CECR2: variants seen among roughly 807,000 people sequenced by gnomAD.
CECR2 encodes CECR2 histone acetyl-lysine reader, also known as chromatin remodeling regulator CECR2.
CECR2 carries 30 observed loss-of-function variants against 154.5 expected under a neutral mutation model. The ratio of observed to expected loss-of-function variants is 0.19; its 90% CI spans 0.15 to 0.26. The LOEUF is 0.26. CECR2 is among the 10% of genes least tolerant of loss of function. The probability of loss-of-function intolerance (pLI) is 1.00; values close to 1 mark genes in which losing one functional copy is unlikely to be tolerated. For missense variants in CECR2, 1,743 were observed against 1,829.3 expected, an observed-to-expected ratio of 0.95 and a Z score of 0.86; for synonymous variants, 725 against 683.7, an observed-to-expected ratio of 1.06 and a Z score of -0.94.
chr22:17,537,822 C>T lies in CECR2; in HGVS notation c.1238+590C>T, dbSNP rs150671846. On this transcript the variant is annotated intron_variant, in intron 10 of 18. Coordinates refer to ENST00000262608, the MANE Select transcript of CECR2 (RefSeq NM_001290047.2). The stretch of plus-strand genomic sequence containing the variant: ...AGCCTGGCCAATATGGTGAAACCCC[C>T]GTCTCTAATAAAAATTTTAAAAAAA... Among the ~76,000 whole-genome samples the T allele has an allele frequency of 9.2e-3, 1,406 of 152,056 alleles. 18 individuals carry two copies. The highest frequency in any genetic ancestry group is 0.028 in the African/African-American group (1,151 of 41,470).
intron 4 of CECR2, among the ~76,000 whole-genome samples, chr22:17,499,895 C>T (rs972475881): frequency 6.6e-6 from 1 of 152,138 alleles, no homozygotes; most frequent in Non-Finnish European, 1.5e-5. Flanking sequence ...TCCTTGAGAT[C>T]TCCTTATTTC....
At chr22:17,535,408 A>G (rs1212998464) in intron 9 of CECR2, among the ~76,000 whole-genome samples, 1 of 152,086 alleles carries the variant, frequency 6.6e-6, no homozygotes, top group Admixed American at 6.6e-5. Context: ...TTTTACTCCT[A>G]TCTGGTCATT....
At chr22:17,388,102 G>A (rs375465715) in intron 1 of CECR2, among the ~76,000 whole-genome samples, 1 of 151,828 alleles carries the variant, frequency 6.6e-6, no homozygotes, top group African/African-American at 2.4e-5. Context: ...CTACAGGCAC[G>A]CTCCACCATG....
chr22:17,540,939 T>C, intron 14 of CECR2, 139 bp downstream of exon 14: 1 of 981,576 alleles, frequency 1.0e-6, no homozygotes, highest in Non-Finnish European at 1.4e-6. Flanking sequence ...CCTTTGTTCA[T>C]GTGATTTTAT....
In CECR2 at chr22:17,498,316, G is replaced by A. The variant is rs1260956008; in HGVS notation, c.405+730G>A. On this transcript the variant is annotated intron_variant, in intron 3 of 18. Transcript: ENST00000262608. ...TGAGGCAGGAGAATGGCATGAACCC[G>A]GGAGGCGGAGCTTGCAGTGAGCCGA... Among the ~76,000 whole-genome samples, 7 of 152,196 alleles carry A rather than the reference G, an allele frequency of 4.6e-5. No individual in the cohort carries two copies. The East Asian group carries it at 9.7e-4, about 21-fold the overall frequency.
At chr22:17,548,063 A>G in intron 16 of CECR2, 85 bp from the exon 17 acceptor site, 2 of 1,275,412 alleles carry the variant, frequency 1.6e-6, no homozygotes, top group Non-Finnish European at 2.1e-6. Context: ...ATCCACCTTA[A>G]TCTGACTCAG....
At chr22:17,435,610 A>T (rs2054491630) in intron 1 of CECR2, among the ~76,000 whole-genome samples, 1 of 150,248 alleles carries the variant, frequency 6.7e-6, no homozygotes, top group African/African-American at 2.4e-5. Context: ...TGTTTGGTCC[A>T]GTGAAAATTC....
chr22:17,448,401 T>C (rs1439959129), intron 1 of CECR2, among the ~76,000 whole-genome samples: 2 of 152,244 alleles, frequency 1.3e-5, no homozygotes, highest in Non-Finnish European at 2.9e-5. Context: ...TCGTATATGA[T>C]GCATGGAAAG....
Position 17,550,320 on chromosome 22 carries a change from G to A in CECR2, c.4277+756G>A, listed in dbSNP as rs574213412. On this transcript the variant is annotated intron_variant, in intron 17 of 18. Transcript: ENST00000262608. ...CCGCCACCACACCTGGCTGAGTTTTGTATGATACTATAAACTTAATAACCA... is the reference window on the plus strand; with the variant it reads ...CCGCCACCACACCTGGCTGAGTTTTATATGATACTATAAACTTAATAACCA... 36 of 183,284 alleles carry A rather than the reference G, an allele frequency of 2.0e-4. 2 individuals carry two copies. In the Middle Eastern group the frequency reaches 7.2e-3, roughly 37 times the overall value. The allele number at this position is 183,284 out of a possible 1,614,324, so 11.4% of individuals were successfully genotyped here.
intron 1 of CECR2, among the ~76,000 whole-genome samples, chr22:17,384,693 A>C (rs2063238556): frequency 6.6e-6 from 1 of 152,214 alleles, no homozygotes; most frequent in African/African-American, 2.4e-5. Context: ...ACATTAGCAC[A>C]GTTTTCAAGG....
rs59134897 is a variant in CECR2, at chr22:17,364,342, C to CAA, written c.-364+4338_-364+4339dup. Among the ~76,000 whole-genome samples the CAA allele has an allele frequency of 2.6e-4, 14 of 52,934 alleles. No individual in the cohort carries two copies. In the South Asian group the frequency reaches 5.2e-3, roughly 20 times the overall value. The allele number at this position is 52,934 out of a possible 152,430, so 34.7% of individuals were successfully genotyped here. ...TGGACGACAGAGCAAGACTCTGTCT[C>CAA]AAAAAAAAAAAAAAAAAAAAGAATT... On this transcript the variant is annotated intron_variant, in intron 1 of 18. Transcript: ENST00000400585.
chr22:17,375,783 C>T (rs1381103265), intron 1 of CECR2, among the ~76,000 whole-genome samples: 3 of 151,848 alleles, frequency 2.0e-5, no homozygotes, highest in Admixed American at 1.3e-4. Flanking sequence ...GATGAAACCC[C>T]GTCTCTACTA....
intron 1 of CECR2, among the ~76,000 whole-genome samples, chr22:17,445,543 TTTATTATTA>T (rs3994823): frequency 0.25 from 35,906 of 141,408 alleles, 5,709 homozygotes; most frequent in East Asian, 0.55. Context: ...TGCTCTATAC[TTTATTATTA>T]TTATTATTAT....
intron 18 of CECR2, among the ~76,000 whole-genome samples, chr22:17,552,480 G>A (rs550649527): frequency 6.6e-6 from 1 of 152,226 alleles, no homozygotes; most frequent in African/African-American, 2.4e-5. Context: ...TAGTTGGTGG[G>A]TTTTAAAGTA....
At chr22:17,458,365 G>A (rs921872382) in intron 1 of CECR2, among the ~76,000 whole-genome samples, 2 of 150,090 alleles carry the variant, frequency 1.3e-5, no homozygotes, top group African/African-American at 4.9e-5. Flanking sequence ...AGTGAGCTGA[G>A]ATTGCACCAA....
chr22:17,535,526 CAAG>C (rs958053414), intron 9 of CECR2, among the ~76,000 whole-genome samples: 5 of 151,844 alleles, frequency 3.3e-5, no homozygotes, highest in Non-Finnish European at 5.9e-5. Flanking sequence ...AAACTGGAAT[CAAG>C]GAGAATAATG....
intron 5 of CECR2, 99 bp downstream of exon 5, chr22:17,500,834 A>G: frequency 1.2e-6 from 1 of 816,312 alleles, no homozygotes; most frequent in East Asian, 2.7e-5. Context: ...TGGGAAGCAC[A>G]TTATTATAGC....
intron 6 of CECR2, among the ~76,000 whole-genome samples, chr22:17,503,643 C>T (rs1366018603): frequency 1.3e-5 from 2 of 152,162 alleles, no homozygotes; most frequent in Non-Finnish European, 2.9e-5. Flanking sequence ...GAATATCTAT[C>T]TTGTTAAATT....
intron 1 of CECR2, among the ~76,000 whole-genome samples, chr22:17,403,224 T>G (rs1399631554): frequency 6.6e-6 from 1 of 152,230 alleles, no homozygotes; most frequent in Admixed American, 6.5e-5. Flanking sequence ...CATTGGAAAT[T>G]CTTTCAGGTT....
Sources: allele counts gnomAD v4.1 joint callset (sites outside exome capture counted in the v4.1 genomes callset), GRCh38; gene constraint gnomAD v4.1.1; transcripts MANE v1.5; gene names NCBI Gene and HGNC (gene_info 2026-07-23, HGNC 2026-07-21).